The following ST18 variants were observed in gnomAD, a reference collection of about 807,000 sequenced individuals.
ST18 encodes the protein ST18 C2H2C-type zinc finger transcription factor.
In ST18, 50 loss-of-function variants were observed where a neutral mutation model predicts 110.0. That is an observed-to-expected ratio of 0.45 (90% CI 0.36 to 0.58). The LOEUF is 0.58. ST18 is among the 20% of genes least tolerant of loss of function. The pLI is 0.00. For synonymous variants in ST18, 461 were observed against 452.4 expected, an observed-to-expected ratio of 1.02 and a Z score of -0.24; for missense variants, 1,306 against 1,280.1, an observed-to-expected ratio of 1.02 and a Z score of -0.31.
At chr8:52,384,319 A>G (rs909958859) in intron 2 of ST18, among the ~76,000 whole-genome samples, 4 of 152,168 alleles carry the variant, frequency 2.6e-5, no homozygotes, top group South Asian at 2.1e-4. Context: ...CTATTTTAAT[A>G]GATAATTTAT....
Position 52,229,233 on chromosome 8 carries a change from A to T in ST18, c.-419+799T>A, listed in dbSNP as rs555776320. 2.0e-5 allele frequency among the ~76,000 whole-genome samples: 3 copies of T among 152,330 alleles called. No homozygotes were observed. In the South Asian group the frequency reaches 6.2e-4, roughly 32 times the overall value. On this transcript the variant is annotated intron_variant, in intron 3 of 25. Coordinates refer to ENST00000689386, the MANE Select transcript of ST18 (RefSeq NM_001352837.2). ...TTAGTTTTCTATTGCTGCCATAACA[A>T]ATTTTTACAAATTTGATGGCTTAAA...
At chr8:52,300,403 A>T (rs1291145939) in intron 2 of ST18, among the ~76,000 whole-genome samples, 1 of 152,218 alleles carries the variant, frequency 6.6e-6, no homozygotes, top group East Asian at 1.9e-4. Context: ...GGATGACTAA[A>T]TTCTTAATAT....
chr8:52,128,110 A>G (rs7844814), intron 22 of ST18, among the ~76,000 whole-genome samples: 33,833 of 151,968 alleles, frequency 0.22, 4,737 homozygotes, highest in African/African-American at 0.4. Context: ...CTGGGATTAT[A>G]GGTGCACACC....
At chr8:52,306,384 A>G (rs2095813290) in intron 2 of ST18, among the ~76,000 whole-genome samples, 1 of 152,164 alleles carries the variant, frequency 6.6e-6, no homozygotes, top group African/African-American at 2.4e-5. Context: ...ATGTTTGTCT[A>G]TTGTGTTCCT....
At chr8:52,116,240 G>T (rs2042493897) in intron 25 of ST18, 35 bp downstream of exon 25, 1 of 1,601,756 alleles carries the variant, frequency 6.2e-7, no homozygotes, top group South Asian at 1.1e-5. Flanking sequence ...GCAAATGCTT[G>T]TAATGGAATG....
chr8:52,124,228 T>C (rs888145875), intron 23 of ST18, among the ~76,000 whole-genome samples: 1 of 151,998 alleles, frequency 6.6e-6, no homozygotes, highest in African/African-American at 2.4e-5. Flanking sequence ...CAGGCTGGAG[T>C]GCGGTGGTGC....
intron 2 of ST18, among the ~76,000 whole-genome samples, chr8:52,260,070 GC>G (rs756972036): frequency 7.2e-5 from 11 of 152,006 alleles, no homozygotes; most frequent in Non-Finnish European, 1.3e-4. Context: ...TTTTCTTTTA[GC>G]CAGTGATTCG....
At chr8:52,382,947 G>A (rs1035691365) in intron 2 of ST18, among the ~76,000 whole-genome samples, 1 of 152,070 alleles carries the variant, frequency 6.6e-6, no homozygotes, top group Non-Finnish European at 1.5e-5. Context: ...AATGTGCCAC[G>A]AGGATTGTCT....
At chr8:52,152,802 G>A (rs1288567533) in intron 15 of ST18, among the ~76,000 whole-genome samples, 1 of 152,066 alleles carries the variant, frequency 6.6e-6, no homozygotes, top group East Asian at 1.9e-4. Context: ...TATAAAATAA[G>A]AAGTGACCTA....
chr8:52,374,096 C>T (rs532860899), intron 2 of ST18, among the ~76,000 whole-genome samples: 3 of 152,320 alleles, frequency 2.0e-5, no homozygotes, highest in South Asian at 4.1e-4. Context: ...CTTCCAGAGG[C>T]TCTGTACTGG....
intron 8 of ST18, among the ~76,000 whole-genome samples, chr8:52,211,693 T>C (rs2082231048): frequency 6.6e-6 from 1 of 152,102 alleles, no homozygotes; most frequent in Non-Finnish European, 1.5e-5. Context: ...ATGCAAGAAG[T>C]GGATAACTTA....
At chr8:52,252,724 A>C (rs1352251124) in intron 2 of ST18, among the ~76,000 whole-genome samples, 3 of 152,020 alleles carry the variant, frequency 2.0e-5, no homozygotes, top group African/African-American at 7.2e-5. Context: ...GATTTCCGCT[A>C]ATTTGGCAAG....
intron 2 of ST18, among the ~76,000 whole-genome samples, chr8:52,263,295 G>A (rs553669534): frequency 1.3e-5 from 2 of 152,144 alleles, no homozygotes; most frequent in African/African-American, 2.4e-5. Flanking sequence ...GATACTTCAC[G>A]CTTTGCAGAG....
In ST18 at chr8:52,133,418, C is replaced by CA. The variant is rs1314448391; in HGVS notation, c.2301-118dup. 2.5e-6 allele frequency: 3 copies of CA among 1,222,218 alleles called. No homozygotes were observed. In the African/African-American group the frequency reaches 4.5e-5, roughly 18 times the overall value. 75.7% of individuals were successfully genotyped at this position (1,222,218 alleles called of 1,614,324 possible). ...ATTAATGTTCCAAGTCTCTGTAGTT[C>CA]ACGTGGAGGGAGGCGGGGTCACACA... is the stretch of plus-strand genomic sequence containing the variant. On this transcript the variant is annotated intron_variant, in intron 19 of 25. Transcript: ENST00000689386.
intron 13 of ST18, 46 bp from the exon 14 acceptor site, chr8:52,161,614 C>T: frequency 6.3e-7 from 1 of 1,592,348 alleles, no homozygotes; most frequent in South Asian, 1.1e-5. Context: ...AATGAAACTA[C>T]TGGTGAGCAC....
intron 8 of ST18, among the ~76,000 whole-genome samples, chr8:52,187,440 A>G (rs553548469): frequency 1.3e-5 from 2 of 152,344 alleles, no homozygotes; most frequent in South Asian, 2.1e-4. Flanking sequence ...GAAACTATCC[A>G]TATCATACTA....
At chr8:52,114,000 C>T (rs1203375287) in intron 25 of ST18, among the ~76,000 whole-genome samples, 3 of 92,568 alleles carry the variant, frequency 3.2e-5, no homozygotes, top group African/African-American at 8.0e-5. Flanking sequence ...GTCAGAGTCT[C>T]GCTCTATTGT....
At chr8:52,379,324 C>T (rs1323029721) in intron 2 of ST18, among the ~76,000 whole-genome samples, 1 of 151,632 alleles carries the variant, frequency 6.6e-6, no homozygotes, top group South Asian at 2.1e-4. Flanking sequence ...TCTCTAACTC[C>T]TGACCTCAAG....
intron 17 of ST18, among the ~76,000 whole-genome samples, chr8:52,138,093 C>CAAAAAAA (rs35928892): frequency 3.4e-5 from 2 of 59,562 alleles, no homozygotes; most frequent in African/African-American, 4.9e-5. Context: ...AACTCTGTCT[C>CAAAAAAA]AAAAAAAAAA....
Sources: allele counts gnomAD v4.1 joint callset (sites outside exome capture counted in the v4.1 genomes callset), GRCh38; gene constraint gnomAD v4.1.1; transcripts MANE v1.5; gene names NCBI Gene and HGNC (gene_info 2026-07-23, HGNC 2026-07-21).